Variants in COLGALT2 observed in about 807,000 individuals in gnomAD.
COLGALT2 encodes the protein collagen beta(1-O)galactosyltransferase 2.
A neutral mutation model predicts 73.4 loss-of-function variants in COLGALT2; 49 were observed. The observed-to-expected ratio is 0.67, with a 90% CI of 0.53 to 0.85. The LOEUF (loss-of-function observed/expected upper bound fraction) is 0.85. Ranked by LOEUF, COLGALT2 falls within the 40% of genes least tolerant of loss-of-function variation. The pLI is 0.00. For synonymous variants in COLGALT2, 295 were observed against 307.6 expected (o/e 0.96, Z 0.43); for missense variants, 722 against 790.2 (o/e 0.91, Z 1.03).
intron 11 of COLGALT2, among the ~76,000 whole-genome samples, chr1:183,930,569 C>CTTTTTTTTTTTTTTTTTT (rs397861890): frequency 5.3e-5 from 6 of 114,070 alleles, no homozygotes; most frequent in African/African-American, 1.0e-4. Context: ...TTTTCTTTTT[C>CTTTTTTTTTTTTTTTTTT]TTTTTTTTTT....
chr1:183,963,833 G>A (rs1176955704), intron 6 of COLGALT2, 68 bp downstream of exon 6: 12 of 1,400,408 alleles, frequency 8.6e-6, no homozygotes, highest in Non-Finnish European at 3.8e-6. Flanking sequence ...GGAAGAGGAG[G>A]GAAGTGGCTG....
intron 8 of COLGALT2, among the ~76,000 whole-genome samples, chr1:183,947,723 G>A (rs1670289092): frequency 6.6e-6 from 1 of 151,810 alleles, no homozygotes; most frequent in African/African-American, 2.4e-5. Context: ...GCAAACAGGA[G>A]GAAGAAAATA....
chr1:184,036,015 G>A (rs1649662207), intron 1 of COLGALT2, among the ~76,000 whole-genome samples: 1 of 152,146 alleles, frequency 6.6e-6, no homozygotes. Flanking sequence ...TTGCCCAACC[G>A]CTGCTTTAAG....
chr1:183,971,459 A>T (rs981775312), intron 4 of COLGALT2, among the ~76,000 whole-genome samples: 1 of 152,202 alleles, frequency 6.6e-6, no homozygotes, highest in Non-Finnish European at 1.5e-5. Flanking sequence ...GGCTGCGGCC[A>T]CTAGGATAAC....
At chr1:183,949,979 G>A (rs1445221714) in intron 8 of COLGALT2, among the ~76,000 whole-genome samples, 3 of 152,166 alleles carry the variant, frequency 2.0e-5, no homozygotes, top group Non-Finnish European at 4.4e-5. Flanking sequence ...CAAGAATAGG[G>A]CTGACAGATT....
intron 5 of COLGALT2, among the ~76,000 whole-genome samples, chr1:183,965,251 G>A (rs181654166): frequency 6.6e-6 from 1 of 152,164 alleles, no homozygotes; most frequent in African/African-American, 2.4e-5. Flanking sequence ...GGAAGTGGAA[G>A]GAAAAATATA....
intron 1 of COLGALT2, among the ~76,000 whole-genome samples, chr1:184,030,790 G>C (rs932399711): frequency 1.4e-4 from 21 of 152,258 alleles, no homozygotes; most frequent in African/African-American, 5.1e-4. Context: ...TACTCCCCAT[G>C]CTCCTTTAAA....
At chr1:183,993,224 G>A (rs1289838171) in intron 1 of COLGALT2, among the ~76,000 whole-genome samples, 1 of 152,218 alleles carries the variant, frequency 6.6e-6, no homozygotes, top group Non-Finnish European at 1.5e-5. Context: ...GTGGGCTCTG[G>A]AAACAGGAAG....
Position 183,963,885 on chromosome 1 carries a change from C to T in COLGALT2, c.952+16G>A, listed in dbSNP as rs138317911. Reference sequence around the variant, plus strand: ...AATGGAACGAGAGCCATCCCCTCTGCTCCTGGGTCACTCACTCATTGCTTC... The same window carrying T: ...AATGGAACGAGAGCCATCCCCTCTGTTCCTGGGTCACTCACTCATTGCTTC... On this transcript the variant is annotated intron_variant, in intron 6 of 11. Coordinates refer to ENST00000361927, the MANE Select transcript of COLGALT2 (RefSeq NM_015101.4). The T allele has an allele frequency of 3.3e-4, 529 of 1,589,658 alleles. 2 individuals carry two copies. The highest frequency in any genetic ancestry group is 6.8e-5 in the Non-Finnish European group (79 of 1,167,022).
At position 184,037,457 on chromosome 1, in the gene COLGALT2, G is replaced by C. The variant is rs1042399312; in HGVS notation, c.-100C>G. The stretch of plus-strand genomic sequence containing the variant: ...TGCCGGGGAGCAAGGGGCTGCGAGG[G>C]GCGGCCGGGGGATGCGGCTTGCCGC... On this transcript the variant is annotated 5_prime_UTR_variant, in exon 1 of 12. Coordinates refer to ENST00000361927, the MANE Select transcript of COLGALT2 (RefSeq NM_015101.4). 1 of 1,213,540 alleles carries C rather than the reference G, an allele frequency of 8.2e-7. No homozygotes were observed. Among genetic ancestry groups the C allele is most frequent in the Non-Finnish European group, 1.0e-6 (1 of 977,734 alleles). The allele number at this position is 1,213,540 out of a possible 1,614,324, so 75.2% of individuals were successfully genotyped here. A position where few individuals can be genotyped will look rare whatever the true frequency, so the allele number is the denominator to read the frequency against.
intron 1 of COLGALT2, among the ~76,000 whole-genome samples, chr1:184,016,516 A>G (rs972567117): frequency 7.2e-5 from 11 of 152,222 alleles, no homozygotes; most frequent in African/African-American, 2.7e-4. Flanking sequence ...TTCAAAAGGA[A>G]TATTTCTACC....
intron 1 of COLGALT2, among the ~76,000 whole-genome samples, chr1:184,011,427 T>G (rs1216174382): frequency 6.6e-6 from 1 of 152,136 alleles, no homozygotes; most frequent in Non-Finnish European, 1.5e-5. Context: ...TCCAACTCAC[T>G]CCAGAGTAAT....
intron 6 of COLGALT2, among the ~76,000 whole-genome samples, chr1:183,955,383 C>CT (rs1352578452): frequency 3.9e-5 from 6 of 152,106 alleles, no homozygotes; most frequent in African/African-American, 9.7e-5. Context: ...CTGAAAAACA[C>CT]TTTTTTCTCT....
chr1:183,961,383 AAC>A (rs1005686179), intron 6 of COLGALT2, among the ~76,000 whole-genome samples: 1 of 143,856 alleles, frequency 7.0e-6, no homozygotes, highest in Admixed American at 7.0e-5. Flanking sequence ...TGTGGGAGAA[AAC>A]AAGAGAACAT....
intron 5 of COLGALT2, chr1:183,964,394 A>C: frequency 7.3e-6 from 2 of 273,840 alleles, no homozygotes; most frequent in Non-Finnish European, 1.4e-5. Flanking sequence ...TAACAAGAAA[A>C]TGAGGAATGA....
At chr1:184,032,288 G>GAAAGGT (rs1355032878) in intron 1 of COLGALT2, among the ~76,000 whole-genome samples, 2 of 152,124 alleles carry the variant, frequency 1.3e-5, no homozygotes, top group Non-Finnish European at 2.9e-5. Context: ...TCTTGATTTT[G>GAAAGGT]AAAGGTAAAG....
chr1:183,979,144 A>C (rs1442141412), intron 1 of COLGALT2, among the ~76,000 whole-genome samples: 2 of 152,176 alleles, frequency 1.3e-5, no homozygotes, highest in African/African-American at 4.8e-5. Flanking sequence ...TAAATAATGT[A>C]CACAAAACTT....
At chr1:184,015,086 T>C (rs1648956749) in intron 1 of COLGALT2, among the ~76,000 whole-genome samples, 1 of 146,974 alleles carries the variant, frequency 6.8e-6, no homozygotes, top group Non-Finnish European at 1.5e-5. Flanking sequence ...ATTGGGCTTT[T>C]TCTAGTGGGT....
rs1192279125 is a variant in COLGALT2, at chr1:184,037,290, T to C, written c.68A>G (p.Glu23Gly). The C allele has an allele frequency of 6.5e-7, 1 of 1,546,158 alleles. No homozygotes were observed. Among genetic ancestry groups the C allele is most frequent in the African/African-American group, 1.4e-5 (1 of 72,572 alleles). Residue 23 changes from glutamate (E) to glycine (G), a missense_variant, in exon 1 of 12, where the codon GAA (glutamate) becomes GGA (glycine). Glu to Gly is a moderately conservative substitution (Grantham distance 98, BLOSUM62 -2). Coordinates refer to ENST00000361927, the MANE Select transcript of COLGALT2 (RefSeq NM_015101.4). Reference sequence around the variant, plus strand: ...GGCGACGAAGCGCGCTCGGCAGCCTTCGCGGAGCAGGGCTGAGGAGAGGAG... The same window carrying C: ...GGCGACGAAGCGCGCTCGGCAGCCTCCGCGGAGCAGGGCTGAGGAGAGGAG... Reference protein sequence around the residue: ...LLLLSSALLREGCRARFVAER... With the variant: ...LLLLSSALLRGGCRARFVAER...
Sources: gnomAD v4.1 joint callset for allele counts (sites outside exome capture counted in the v4.1 genomes callset) on GRCh38, gnomAD v4.1.1 for gene constraint, MANE v1.5 for transcripts, NCBI Gene and HGNC (gene_info 2026-07-23, HGNC 2026-07-21) for gene names.